Variants in NBEA observed in about 807,000 individuals in gnomAD.
NBEA encodes lysosomal-trafficking regulator 2.
NBEA carries 44 observed loss-of-function variants against 343.4 expected under a neutral mutation model. That is an observed-to-expected ratio of 0.13 (90% CI 0.10 to 0.16). The LOEUF (loss-of-function observed/expected upper bound fraction) is 0.16. Ranked by LOEUF, NBEA falls within the 10% of genes least tolerant of loss-of-function variation. The pLI, the probability that NBEA is intolerant of heterozygous loss-of-function variation, is 1.00. For synonymous variants in NBEA, 1,175 were observed against 1,238.7 expected (o/e 0.95, Z 1.08); for missense variants, 2,555 against 3,631.3 (o/e 0.70, Z 7.62).
intron 41 of NBEA, among the ~76,000 whole-genome samples, chr13:35,522,750 G>A (rs971375532): frequency 6.6e-6 from 1 of 152,008 alleles, no homozygotes; most frequent in African/African-American, 2.4e-5. Context: ...ACCCTATTGT[G>A]AACTGTGCAT....
At chr13:35,479,203 T>G (rs539424317) in intron 41 of NBEA, among the ~76,000 whole-genome samples, 1 of 152,224 alleles carries the variant, frequency 6.6e-6, no homozygotes, top group African/African-American at 2.4e-5. Flanking sequence ...TTTTCTAAGC[T>G]GCTTCCTTAA....
intron 46 of NBEA, among the ~76,000 whole-genome samples, chr13:35,586,783 A>G (rs1566367264): frequency 6.6e-6 from 1 of 152,158 alleles, no homozygotes; most frequent in Non-Finnish European, 1.5e-5. Context: ...GATAATAATA[A>G]TTCCAGAAGT....
At chr13:35,621,252 C>G (rs779317345) in intron 48 of NBEA, among the ~76,000 whole-genome samples, 3 of 152,104 alleles carry the variant, frequency 2.0e-5, no homozygotes, top group African/African-American at 7.2e-5. Context: ...TCTTGTTTGT[C>G]ACAGCATCCC....
At position 35,201,663 on chromosome 13, in the gene NBEA, C is replaced by T. The variant is rs188557953; in HGVS notation, c.5366+5361C>T. Among the ~76,000 whole-genome samples the T allele has an allele frequency of 4.6e-5, 7 of 152,108 alleles. No individual in the cohort carries two copies. The East Asian group carries it at 1.2e-3, about 25-fold the overall frequency. ...GGCTCTCTGGAACTCAGTTTCCCAA[C>T]CCATATAATATGATATAAAGCTACA... On this transcript the variant is annotated intron_variant, in intron 31 of 58. Coordinates refer to ENST00000379939, the MANE Select transcript of NBEA (RefSeq NM_001385012.1).
intron 38 of NBEA, among the ~76,000 whole-genome samples, chr13:35,398,949 T>G (rs376851051): frequency 6.6e-6 from 1 of 152,184 alleles, no homozygotes; most frequent in African/African-American, 2.4e-5. Flanking sequence ...TTCATCTACA[T>G]TGAAAATCTG....
At chr13:35,203,731 AATTT>A (rs1395206423) in intron 31 of NBEA, among the ~76,000 whole-genome samples, 1 of 152,204 alleles carries the variant, frequency 6.6e-6, no homozygotes, top group Non-Finnish European at 1.5e-5. Context: ...CTTATTAGTC[AATTT>A]ATTAAAATCA....
At chr13:34,961,005 GAAAT>G (rs1017241409) in intron 1 of NBEA, among the ~76,000 whole-genome samples, 1 of 152,042 alleles carries the variant, frequency 6.6e-6, no homozygotes, top group African/African-American at 2.4e-5. Flanking sequence ...GCCAAACTCT[GAAAT>G]AAATTGAAGA....
At chr13:34,988,102 C>T (rs904189335) in intron 1 of NBEA, among the ~76,000 whole-genome samples, 1 of 150,896 alleles carries the variant, frequency 6.6e-6, no homozygotes, top group African/African-American at 2.4e-5. Flanking sequence ...TTCAGCGTTT[C>T]TACTCTGGTT....
chr13:35,203,803 T>C (rs2073186376), intron 31 of NBEA, among the ~76,000 whole-genome samples: 1 of 152,196 alleles, frequency 6.6e-6, no homozygotes, highest in Admixed American at 6.6e-5. Context: ...TGTCCTGGCT[T>C]ATACCACTTT....
At chr13:35,518,575 G>T (rs922383664) in intron 41 of NBEA, among the ~76,000 whole-genome samples, 2 of 152,182 alleles carry the variant, frequency 1.3e-5, no homozygotes, top group Admixed American at 6.5e-5. Flanking sequence ...ACTAGAGGAG[G>T]CAGGGAACAT....
intron 47 of NBEA, 97 bp downstream of exon 47, chr13:35,593,544 C>A: frequency 1.2e-6 from 1 of 819,690 alleles, no homozygotes; most frequent in South Asian, 2.2e-5. Flanking sequence ...TATATTGCAG[C>A]TTTGTTCCAT....
intron 41 of NBEA, among the ~76,000 whole-genome samples, chr13:35,543,816 T>C (rs1383335863): frequency 6.6e-6 from 1 of 151,512 alleles, no homozygotes; most frequent in Non-Finnish European, 1.5e-5. Flanking sequence ...GGGAAGGGAG[T>C]GTTCCATAGC....
At chr13:35,156,795 G>T (rs2069204185) in intron 20 of NBEA, among the ~76,000 whole-genome samples, 1 of 152,126 alleles carries the variant, frequency 6.6e-6, no homozygotes. Context: ...AATGTGTTAA[G>T]TACATTGTGA....
intron 39 of NBEA, among the ~76,000 whole-genome samples, chr13:35,442,969 G>C (rs111740857): frequency 6.6e-6 from 1 of 152,038 alleles, no homozygotes; most frequent in Non-Finnish European, 1.5e-5. Flanking sequence ...CAATTCTTTT[G>C]CTTGCAAGTA....
At chr13:35,626,493 T>G (rs984126028) in intron 48 of NBEA, among the ~76,000 whole-genome samples, 1 of 152,234 alleles carries the variant, frequency 6.6e-6, no homozygotes, top group African/African-American at 2.4e-5. Flanking sequence ...ATGAATGCGC[T>G]TAGCTGATCA....
chr13:35,451,935 A>G (rs972339766), intron 39 of NBEA, among the ~76,000 whole-genome samples, 157 bp from the exon 40 acceptor site: 10 of 152,224 alleles, frequency 6.6e-5, no homozygotes, highest in African/African-American at 2.2e-4. Flanking sequence ...TTCTCACAGA[A>G]AACCAAACAA....
chr13:35,322,409 C>T (rs986144437), intron 36 of NBEA, among the ~76,000 whole-genome samples: 1 of 152,160 alleles, frequency 6.6e-6, no homozygotes, highest in East Asian at 1.9e-4. Context: ...TGCTTCAGCT[C>T]ACCCACCGTG....
chr13:35,073,497 A>C (rs963554400), intron 10 of NBEA, among the ~76,000 whole-genome samples: 3 of 152,132 alleles, frequency 2.0e-5, no homozygotes, highest in Non-Finnish European at 2.9e-5. Context: ...TTCAAGCTGA[A>C]GCATTTTATC....
chr13:35,349,052 A>T (rs1386372451), intron 36 of NBEA, 56 bp from the exon 37 acceptor site: 8 of 849,692 alleles, frequency 9.4e-6, no homozygotes, highest in Admixed American at 3.3e-5. Flanking sequence ...ATTGAAAAAA[A>T]TTGGACTGAC....
Sources: gnomAD v4.1 joint callset for allele counts (sites outside exome capture counted in the v4.1 genomes callset) on GRCh38, gnomAD v4.1.1 for gene constraint, MANE v1.5 for transcripts, NCBI Gene and HGNC (gene_info 2026-07-23, HGNC 2026-07-21) for gene names.